The following BMP6 variants were observed in gnomAD, a reference collection of about 807,000 sequenced individuals.
BMP6 encodes the protein VG-1-R.
A neutral mutation model predicts 54.1 loss-of-function variants in BMP6; 17 were observed. The ratio of observed to expected loss-of-function variants is 0.31; its 90% CI spans 0.22 to 0.47. BMP6 has a LOEUF of 0.47. Ranked by LOEUF, BMP6 falls within the 20% of genes least tolerant of loss-of-function variation. The probability of loss-of-function intolerance (pLI) is 1.00; values close to 1 mark genes in which losing one functional copy is unlikely to be tolerated. For synonymous variants in BMP6, 328 were observed against 291.2 expected, an observed-to-expected ratio of 1.13 and a Z score of -1.28; for missense variants, 720 against 690.4, an observed-to-expected ratio of 1.04 and a Z score of -0.48.
chr6:7,764,156 C>G (rs1240477596), intron 1 of BMP6, among the ~76,000 whole-genome samples: 1 of 152,146 alleles, frequency 6.6e-6, no homozygotes, highest in Non-Finnish European at 1.5e-5. Flanking sequence ...AGAGGCCATT[C>G]TGTGTTTTCA....
intron 4 of BMP6, among the ~76,000 whole-genome samples, chr6:7,871,309 AAATGG>A (rs1413764023): frequency 3.3e-5 from 5 of 152,242 alleles, no homozygotes; most frequent in African/African-American, 1.2e-4. Context: ...GCAGTTTATT[AAATGG>A]GACTGAAAGC....
At chr6:7,838,135 A>G (rs572692859) in intron 1 of BMP6, among the ~76,000 whole-genome samples, 2 of 152,242 alleles carry the variant, frequency 1.3e-5, no homozygotes, top group Admixed American at 6.5e-5. Context: ...ACAGTTGAGT[A>G]TAGTATAGTA....
chr6:7,833,313 C>T (rs180987418), intron 1 of BMP6, among the ~76,000 whole-genome samples: 7 of 152,256 alleles, frequency 4.6e-5, no homozygotes, highest in Middle Eastern at 3.4e-3. Flanking sequence ...AATAGCTCCC[C>T]GTGCCTGTAG....
rs546402153 is a variant in BMP6 at position 7,735,935 on chromosome 6, A to G, written c.664+8316A>G. On this transcript the variant is annotated intron_variant, in intron 1 of 6. Transcript: ENST00000283147. ...TTAAACAAGGAAAAACAAGTCAATG[A>G]AAGTATAAAAATTCAAAATACGCAG... 1.6e-4 allele frequency among the ~76,000 whole-genome samples: 25 copies of G among 152,350 alleles called. No homozygotes were observed. In the South Asian group the frequency reaches 5.2e-3, roughly 32 times the overall value.
chr6:7,743,276 G>A (rs1757297891), intron 1 of BMP6, among the ~76,000 whole-genome samples: 1 of 152,196 alleles, frequency 6.6e-6, no homozygotes, highest in African/African-American at 2.4e-5. Context: ...TTGGGGGGCT[G>A]TATTTAGGAA....
chr6:7,847,190 ACT>A (rs1018920445), intron 2 of BMP6, among the ~76,000 whole-genome samples: 3 of 152,092 alleles, frequency 2.0e-5, no homozygotes, highest in African/African-American at 2.4e-5. Flanking sequence ...ACCTTTGATG[ACT>A]CTCTATCAAA....
At chr6:7,856,120 TAAAAA>T (rs56264814) in intron 2 of BMP6, among the ~76,000 whole-genome samples, 1,172 of 83,672 alleles carry the variant, frequency 0.014, 22 homozygotes, top group African/African-American at 0.048. Context: ...TCAAAGACTG[TAAAAA>T]AAAAAAAAAA....
rs114748724 is a variant in BMP6 at position 7,827,493 on chromosome 6, C to T, written c.665-17647C>T. ...GGTCACTTTATTGTTCCTTGTGGCT[C>T]CCCCTTCCCTTCCCTCAGATATATA... On this transcript the variant is annotated intron_variant, in intron 1 of 6. Transcript: ENST00000283147. Among the ~76,000 whole-genome samples the T allele has an allele frequency of 8.2e-3, 1,254 of 152,266 alleles. 23 individuals carry two copies. Among genetic ancestry groups the T allele is most frequent in the African/African-American group, 0.029 (1,214 of 41,538 alleles).
intron 1 of BMP6, among the ~76,000 whole-genome samples, chr6:7,832,335 G>GC (rs1309349371): frequency 1.3e-5 from 2 of 152,182 alleles, no homozygotes; most frequent in Non-Finnish European, 2.9e-5. Flanking sequence ...AGGTGATTAA[G>GC]CCCTCATGAA....
In BMP6 at chr6:7,862,639, C is replaced by T. The variant is rs954358080; in HGVS notation, c.1204+141C>T. The T allele has an allele frequency of 1.3e-5, 14 of 1,116,984 alleles. No individual in the cohort carries two copies. In the African/African-American group the frequency reaches 1.9e-4, roughly 15 times the overall value. 69.2% of individuals were successfully genotyped at this position (1,116,984 alleles called of 1,614,324 possible). On this transcript the variant is annotated intron_variant, in intron 4 of 6. Coordinates refer to ENST00000283147, the MANE Select transcript of BMP6 (RefSeq NM_001718.6). ...ATAGGTGTCATATGCATGATGGTACCTTGTACAGTCGCAGAACATCTGCGT... is the reference window on the plus strand; with the variant it reads ...ATAGGTGTCATATGCATGATGGTACTTTGTACAGTCGCAGAACATCTGCGT...
At chr6:7,861,940 C>G (rs1759342018) in intron 3 of BMP6, among the ~76,000 whole-genome samples, 2 of 152,116 alleles carry the variant, frequency 1.3e-5, no homozygotes, top group Non-Finnish European at 1.5e-5. Flanking sequence ...GACGGATGAA[C>G]AGGTTTGCAG....
intron 6 of BMP6, 26 bp from the exon 7 acceptor site, chr6:7,880,168 C>G (rs758597121): frequency 5.0e-6 from 8 of 1,613,962 alleles, no homozygotes; most frequent in Non-Finnish European, 6.8e-6. Context: ...TTCTAAGGTA[C>G]CTTCTCCCCT....
chr6:7,756,282 G>A (rs1168443905), intron 1 of BMP6, among the ~76,000 whole-genome samples: 2 of 151,796 alleles, frequency 1.3e-5, no homozygotes, highest in Non-Finnish European at 2.9e-5. Flanking sequence ...TTCTTTTTCA[G>A]TATCTAAACT....
At chr6:7,825,752 C>A (rs1161900948) in intron 1 of BMP6, among the ~76,000 whole-genome samples, 2 of 150,080 alleles carry the variant, frequency 1.3e-5, no homozygotes, top group Non-Finnish European at 3.0e-5. Context: ...AAAAAAAAAA[C>A]TTTAGTGTTT....
chr6:7,878,423 G>T (rs1759655876), intron 4 of BMP6, among the ~76,000 whole-genome samples: 1 of 152,114 alleles, frequency 6.6e-6, no homozygotes. Flanking sequence ...TGCTGCACAG[G>T]GTGGGTACAT....
intron 1 of BMP6, among the ~76,000 whole-genome samples, chr6:7,766,497 A>G (rs1757690859): frequency 3.3e-5 from 5 of 152,196 alleles, no homozygotes; most frequent in Admixed American, 2.6e-4. Flanking sequence ...GCACACCTGT[A>G]GTCCTAGCTA....
intron 1 of BMP6, among the ~76,000 whole-genome samples, chr6:7,809,108 ACC>A (rs11365211): frequency 0.014 from 1,529 of 109,654 alleles, 33 homozygotes; most frequent in African/African-American, 0.047. Context: ...AGTACCCCCC[ACC>A]CCCCCCCAAA....
At chr6:7,860,288 G>A (rs1430149430) in intron 2 of BMP6, among the ~76,000 whole-genome samples, 3 of 152,190 alleles carry the variant, frequency 2.0e-5, no homozygotes, top group African/African-American at 2.4e-5. Flanking sequence ...CTTAAACTTA[G>A]TATTTAATTT....
chr6:7,807,738 A>G (rs1182509599), intron 1 of BMP6, among the ~76,000 whole-genome samples: 1 of 152,128 alleles, frequency 6.6e-6, no homozygotes, highest in African/African-American at 2.4e-5. Flanking sequence ...GGTTAGAGTC[A>G]GTCAGAAAGA....
Sources: allele counts gnomAD v4.1 joint callset (sites outside exome capture counted in the v4.1 genomes callset), GRCh38; gene constraint gnomAD v4.1.1; transcripts MANE v1.5; gene names NCBI Gene and HGNC (gene_info 2026-07-23, HGNC 2026-07-21).